NSUN6: variants seen among roughly 807,000 people sequenced by gnomAD.
NSUN6 encodes NOP2/Sun RNA methyltransferase 6.
Under a neutral mutation model 58.0 loss-of-function variants are expected in NSUN6, and 64 were observed. That is an observed-to-expected ratio of 1.10 (90% CI 0.90 to 1.36). The LOEUF (loss-of-function observed/expected upper bound fraction) is 1.36, where lower values mean the gene tolerates loss of function less well. Among genes scored for constraint, NSUN6 ranks in the 40% most tolerant of loss-of-function variants. NSUN6 has a pLI of 0.00. For synonymous variants in NSUN6, 231 were observed against 193.9 expected, an observed-to-expected ratio of 1.19 and a Z score of -1.59; for missense variants, 701 against 550.1, an observed-to-expected ratio of 1.27 and a Z score of -2.74.
At chr10:18,568,449 T>G (rs988683589) in intron 8 of NSUN6, among the ~76,000 whole-genome samples, 1 of 150,014 alleles carries the variant, frequency 6.7e-6, no homozygotes, top group Non-Finnish European at 1.5e-5. Context: ...TCCAGCTCCA[T>G]CTCCATTCCA....
intron 3 of NSUN6, among the ~76,000 whole-genome samples, chr10:18,618,127 C>A (rs768460791): frequency 6.6e-6 from 1 of 152,148 alleles, no homozygotes; most frequent in Non-Finnish European, 1.5e-5. Flanking sequence ...GTTTTGTGGG[C>A]GTATCTCCTG....
chr10:18,610,673 G>C (rs941786805), intron 5 of NSUN6, among the ~76,000 whole-genome samples: 2 of 152,158 alleles, frequency 1.3e-5, no homozygotes, highest in Non-Finnish European at 2.9e-5. Context: ...CCAGGACTCA[G>C]ATGGCCTGGT....
At chr10:18,552,128 T>C (rs1564702127) in intron 8 of NSUN6, among the ~76,000 whole-genome samples, 157 bp from the exon 9 acceptor site, 1 of 152,048 alleles carries the variant, frequency 6.6e-6, no homozygotes. Context: ...TTTTGACTTA[T>C]ACCTAATACA....
At chr10:18,603,228 G>C (rs919733890) in intron 6 of NSUN6, among the ~76,000 whole-genome samples, 2 of 152,138 alleles carry the variant, frequency 1.3e-5, no homozygotes, top group African/African-American at 2.4e-5. Context: ...GGGAGGCGGA[G>C]GTTGCAGTGA....
intron 3 of NSUN6, among the ~76,000 whole-genome samples, chr10:18,627,281 TA>T (rs893652882): frequency 1.3e-5 from 2 of 152,194 alleles, no homozygotes; most frequent in Non-Finnish European, 2.9e-5. Flanking sequence ...TTACTGTATA[TA>T]AAGTTTAACT....
At chr10:18,632,043 G>C (rs2059049364) in intron 3 of NSUN6, among the ~76,000 whole-genome samples, 2 of 150,498 alleles carry the variant, frequency 1.3e-5, no homozygotes, top group Non-Finnish European at 3.0e-5. Context: ...CATGGTACTG[G>C]TACCAAAACA....
chr10:18,566,169 C>T (rs1386937977), intron 8 of NSUN6, among the ~76,000 whole-genome samples: 1 of 150,280 alleles, frequency 6.7e-6, no homozygotes, highest in Non-Finnish European at 1.5e-5. Flanking sequence ...ATTCCATTCT[C>T]CATTCCATTC....
chr10:18,653,483 T>C (rs2059743286), upstream of NSUN6: 1 of 173,134 alleles, frequency 5.8e-6, no homozygotes, highest in African/African-American at 2.4e-5. Context: ...GTGATTCTCC[T>C]GCCTCAGCCT....
intron 8 of NSUN6, among the ~76,000 whole-genome samples, chr10:18,577,942 G>A (rs989050778): frequency 8.5e-5 from 13 of 152,208 alleles, no homozygotes; most frequent in African/African-American, 1.2e-4. Context: ...AGCCATACGC[G>A]TAAGGGATAA....
chr10:18,594,280 G>A (rs1237406947), intron 7 of NSUN6, among the ~76,000 whole-genome samples: 1 of 151,608 alleles, frequency 6.6e-6, no homozygotes, highest in Non-Finnish European at 1.5e-5. Context: ...CAAATACAGT[G>A]AGAATGACTC....
chr10:18,550,957 C>T (rs1312718914), intron 9 of NSUN6, among the ~76,000 whole-genome samples: 1 of 152,088 alleles, frequency 6.6e-6, no homozygotes, highest in Non-Finnish European at 1.5e-5. Context: ...AACTCCTGAC[C>T]TCAGGTGATC....
At chr10:18,578,553 C>T (rs1054578962) in intron 8 of NSUN6, among the ~76,000 whole-genome samples, 2 of 152,262 alleles carry the variant, frequency 1.3e-5, no homozygotes, top group Admixed American at 6.5e-5. Context: ...CTCTAGGTTG[C>T]CCCAGGGCTC....
chr10:18,573,639 T>A lies in NSUN6; in HGVS notation c.922+12310A>T, dbSNP rs140357581. Among the ~76,000 whole-genome samples, 591 of 152,290 alleles carry A rather than the reference T, an allele frequency of 3.9e-3. 5 individuals are homozygous for A. Among genetic ancestry groups the A allele is most frequent in the African/African-American group, 0.013 (539 of 41,570 alleles). ...CCAGTACGTGGATGACCTTCTCAAA[T>A]CTGATGAAGATATAGGGAAGGTAAC... On this transcript the variant is annotated intron_variant, in intron 8 of 10. Transcript: ENST00000377304.
chr10:18,551,052 G>A (rs1236503116), intron 9 of NSUN6, among the ~76,000 whole-genome samples: 6 of 152,240 alleles, frequency 3.9e-5, no homozygotes, highest in Non-Finnish European at 2.9e-5. Context: ...AAAAAAAAGA[G>A]TAATTTATTT....
At chr10:18,632,250 C>G (rs2059057502) in intron 3 of NSUN6, among the ~76,000 whole-genome samples, 1 of 151,330 alleles carries the variant, frequency 6.6e-6, no homozygotes, top group African/African-American at 2.4e-5. Context: ...ATACAAAAAT[C>G]ATTTCAAGAT....
At chr10:18,563,946 T>C (rs1368916594) in intron 8 of NSUN6, among the ~76,000 whole-genome samples, 1 of 151,258 alleles carries the variant, frequency 6.6e-6, no homozygotes, top group East Asian at 2.0e-4. Flanking sequence ...CTTCACTCCA[T>C]TCCATTCTCG....
chr10:18,591,804 G>T (rs555109835), intron 7 of NSUN6, among the ~76,000 whole-genome samples: 5 of 152,096 alleles, frequency 3.3e-5, no homozygotes, highest in Non-Finnish European at 7.4e-5. Context: ...TTGAAAACTG[G>T]CATGAGACAA....
chr10:18,587,091 AT>A (rs2057183451), intron 7 of NSUN6, among the ~76,000 whole-genome samples: 2 of 152,190 alleles, frequency 1.3e-5, no homozygotes, highest in Non-Finnish European at 2.9e-5. Context: ...AAATAATCTT[AT>A]AATAACTAGC....
chr10:18,600,385 G>T (rs567264666), intron 6 of NSUN6, among the ~76,000 whole-genome samples: 190 of 152,292 alleles, frequency 1.2e-3, no homozygotes, highest in African/African-American at 4.2e-3. Flanking sequence ...AGCACTTTCA[G>T]AGGCCTAGGT....
Sources: allele counts gnomAD v4.1 joint callset (sites outside exome capture counted in the v4.1 genomes callset), GRCh38; gene constraint gnomAD v4.1.1; transcripts MANE v1.5; gene names NCBI Gene and HGNC (gene_info 2026-07-23, HGNC 2026-07-21).